The following COL24A1 variants were observed in gnomAD, a reference collection of about 807,000 sequenced individuals.
The protein encoded by COL24A1 is collagen alpha-1(XXIV) chain.
Under a neutral mutation model 253.9 loss-of-function variants are expected in COL24A1, and 224 were observed. The ratio of observed to expected loss-of-function variants is 0.88; its 90% confidence interval spans 0.79 to 0.99. The LOEUF (loss-of-function observed/expected upper bound fraction) is 0.99, where lower values mean the gene tolerates loss of function less well. Ranked by LOEUF, COL24A1 falls within the 50% of genes least tolerant of loss-of-function variation. COL24A1 has a pLI of 0.00. For missense variants in COL24A1, 2,131 were observed against 2,068.5 expected (o/e 1.03, Z -0.59); for synonymous variants, 685 against 673.7 (o/e 1.02, Z -0.26).
At position 85,926,267 on chromosome 1, in the gene COL24A1, C is replaced by A. The variant is rs549178194; in HGVS notation, c.2563-14834G>T. On this transcript the variant is annotated intron_variant, in intron 24 of 59. Transcript: ENST00000370571. ...TCAACCATTGTGGAAGACAGTGTGG[C>A]AATTCCTCAAGGATCTAGAACTAGA... is the stretch of plus-strand genomic sequence containing the variant. Among the ~76,000 whole-genome samples the A allele has an allele frequency of 2.6e-5, 4 of 152,266 alleles. No individual in the cohort carries two copies. In the East Asian group the frequency reaches 7.7e-4, roughly 29 times the overall value.
intron 19 of COL24A1, among the ~76,000 whole-genome samples, chr1:86,005,088 G>A (rs1400631789): frequency 6.8e-6 from 1 of 146,042 alleles, no homozygotes; most frequent in Non-Finnish European, 1.5e-5. Context: ...ATGTAAAATG[G>A]ACAGTGAAAG....
intron 14 of COL24A1, among the ~76,000 whole-genome samples, chr1:86,031,489 A>T (rs1698562421): frequency 6.6e-6 from 1 of 152,162 alleles, no homozygotes; most frequent in Admixed American, 6.5e-5. Context: ...TGTAACAAAC[A>T]TCACATGTAC....
At chr1:86,088,075 C>G (rs1384123062) in intron 7 of COL24A1, among the ~76,000 whole-genome samples, 2 of 152,198 alleles carry the variant, frequency 1.3e-5, no homozygotes, top group African/African-American at 4.8e-5. Flanking sequence ...TTATTAAGGG[C>G]TGACAATTTA....
chr1:85,968,435 T>C (rs529901804), intron 22 of COL24A1, among the ~76,000 whole-genome samples: 17 of 152,304 alleles, frequency 1.1e-4, no homozygotes, highest in African/African-American at 4.1e-4. Context: ...CTTTAGCCAC[T>C]TACAACTATA....
intron 20 of COL24A1, among the ~76,000 whole-genome samples, chr1:85,973,598 T>G (rs1692387530): frequency 6.6e-6 from 1 of 152,110 alleles, no homozygotes; most frequent in African/African-American, 2.4e-5. Flanking sequence ...ACATACAATA[T>G]TAAGATAAGG....
intron 24 of COL24A1, among the ~76,000 whole-genome samples, chr1:85,944,724 A>G (rs1406051681): frequency 6.6e-6 from 1 of 151,994 alleles, no homozygotes; most frequent in African/African-American, 2.4e-5. Flanking sequence ...CATTAGGTAT[A>G]TCTCCTAATG....
At chr1:85,775,640 G>A in intron 53 of COL24A1, 34 bp downstream of exon 53, 1 of 1,580,026 alleles carries the variant, frequency 6.3e-7, no homozygotes, top group South Asian at 1.1e-5. Flanking sequence ...CCTAGTGTCA[G>A]GGTTACTATA....
chr1:86,063,416 A>G (rs188996891), intron 8 of COL24A1, among the ~76,000 whole-genome samples: 1 of 151,552 alleles, frequency 6.6e-6, no homozygotes, highest in African/African-American at 2.4e-5. Flanking sequence ...TTTTCTGGGA[A>G]AGGATTCATA....
At chr1:86,057,899 T>A (rs202049051) in intron 10 of COL24A1, 32 bp downstream of exon 10, 1 of 1,600,408 alleles carries the variant, frequency 6.2e-7, no homozygotes, top group Non-Finnish European at 8.5e-7. Context: ...TAGGCAAGCA[T>A]GCTTAACAGA....
intron 2 of COL24A1, among the ~76,000 whole-genome samples, chr1:86,136,112 T>G (rs1650212405): frequency 6.6e-6 from 1 of 152,112 alleles, no homozygotes; most frequent in Admixed American, 6.6e-5. Context: ...CTTTCCTCCA[T>G]ATCCACTCAC....
At chr1:86,019,542 A>AG (rs1281061503) in intron 18 of COL24A1, among the ~76,000 whole-genome samples, 1 of 149,800 alleles carries the variant, frequency 6.7e-6, no homozygotes, top group Non-Finnish European at 1.5e-5. Context: ...TGAGCAACAG[A>AG]GGGAGGCCCT....
intron 47 of COL24A1, among the ~76,000 whole-genome samples, chr1:85,802,531 T>G (rs908880311): frequency 6.6e-6 from 1 of 152,186 alleles, no homozygotes; most frequent in African/African-American, 2.4e-5. Context: ...ACTCATATAA[T>G]ATATGAATTT....
chr1:85,883,036 C>A (rs574500165), intron 32 of COL24A1, among the ~76,000 whole-genome samples: 104 of 152,116 alleles, frequency 6.8e-4, no homozygotes, highest in Non-Finnish European at 1.2e-3. Context: ...TCTCTTATTT[C>A]TTAAGTGGTA....
intron 43 of COL24A1, among the ~76,000 whole-genome samples, chr1:85,830,795 T>C (rs984191516): frequency 6.6e-6 from 1 of 152,110 alleles, no homozygotes; most frequent in African/African-American, 2.4e-5. Flanking sequence ...GCACAGTGCG[T>C]GCACCCACTG....
At chr1:85,860,236 T>TAGG (rs1678983364) in intron 37 of COL24A1, among the ~76,000 whole-genome samples, 1 of 152,198 alleles carries the variant, frequency 6.6e-6, no homozygotes, top group Admixed American at 6.5e-5. Context: ...ATGTGCCCAT[T>TAGG]TAATGTGTAC....
intron 12 of COL24A1, among the ~76,000 whole-genome samples, chr1:86,035,452 C>T (rs1235697509): frequency 6.6e-6 from 1 of 151,816 alleles, no homozygotes; most frequent in South Asian, 2.1e-4. Flanking sequence ...TTCCAGAAAC[C>T]CCAGTGAAAT....
chr1:85,937,621 A>C (rs11581312), intron 24 of COL24A1, among the ~76,000 whole-genome samples: 4 of 147,558 alleles, frequency 2.7e-5, no homozygotes, highest in Non-Finnish European at 4.5e-5. Flanking sequence ...GACATGGTAG[A>C]AGAGATGGAA....
At chr1:85,930,198 A>C (rs1244819725) in intron 24 of COL24A1, among the ~76,000 whole-genome samples, 1 of 38,646 alleles carries the variant, frequency 2.6e-5, no homozygotes, top group African/African-American at 1.2e-4. Context: ...AAGACTAATA[A>C]AGAAAAAAAG....
At chr1:85,879,313 C>T (rs961931810) in intron 32 of COL24A1, among the ~76,000 whole-genome samples, 1 of 150,070 alleles carries the variant, frequency 6.7e-6, no homozygotes, top group African/African-American at 2.4e-5. Context: ...TCACGTTTTG[C>T]ATGTGGATAT....
Sources: gnomAD v4.1 joint callset for allele counts (sites outside exome capture counted in the v4.1 genomes callset) on GRCh38, gnomAD v4.1.1 for gene constraint, MANE v1.5 for transcripts, NCBI Gene and HGNC (gene_info 2026-07-23, HGNC 2026-07-21) for gene names.